The following SYTL5 variants were observed in gnomAD, a reference collection of about 807,000 sequenced individuals.
The protein encoded by SYTL5 is synaptotagmin-like protein 5.
A neutral mutation model predicts 55.9 loss-of-function variants in SYTL5; 34 were observed. The observed-to-expected ratio is 0.61, with a 90% confidence interval of 0.46 to 0.81. The LOEUF is 0.81. SYTL5 is among the 30% of genes least tolerant of loss of function. The probability of loss-of-function intolerance (pLI) is 0.00; values close to 1 mark genes in which losing one functional copy is unlikely to be tolerated. For synonymous variants in SYTL5, 221 were observed against 188.7 expected, an observed-to-expected ratio of 1.17 and a Z score of -1.40; for missense variants, 637 against 546.7, an observed-to-expected ratio of 1.17 and a Z score of -1.65.
intron 3 of SYTL5, among the ~76,000 whole-genome samples, chrX:38,060,736 C>T (rs1302149105): frequency 1.8e-5 from 2 of 112,197 alleles, no homozygotes; most frequent in Non-Finnish European, 3.8e-5. Flanking sequence ...AAGTAAATTC[C>T]TAACTGTCAC....
intron 1 of SYTL5, among the ~76,000 whole-genome samples, chrX:38,015,390 C>T (rs897128339): frequency 1.8e-5 from 2 of 112,133 alleles, no homozygotes; most frequent in African/African-American, 6.5e-5. Flanking sequence ...CCTTTTGATC[C>T]TCCTCAAAAC....
intron 13 of SYTL5, among the ~76,000 whole-genome samples, chrX:38,116,148 C>T (rs954432156): frequency 2.7e-5 from 3 of 111,847 alleles, no homozygotes; most frequent in Non-Finnish European, 3.8e-5. Flanking sequence ...TTTCATTCTT[C>T]TGCATGTGGA....
chrX:37,950,021 T>C, the SYTL5 span, among the ~76,000 whole-genome samples: 1 of 111,720 alleles, frequency 9.0e-6, no homozygotes, highest in African/African-American at 3.2e-5. Flanking sequence ...TATCCTTTGT[T>C]GTTTTGGACT....
At chrX:37,982,813 T>C in the SYTL5 span, among the ~76,000 whole-genome samples, 1 of 111,390 alleles carries the variant, frequency 9.0e-6, no homozygotes, top group African/African-American at 3.2e-5. Flanking sequence ...TTTGCTCTTT[T>C]TCTCTCAGCT....
chrX:38,065,574 A>AGGTTTCCTTTTGCC (rs1936075887), intron 3 of SYTL5, among the ~76,000 whole-genome samples: 1 of 111,866 alleles, frequency 8.9e-6, no homozygotes, highest in African/African-American at 3.3e-5. Flanking sequence ...GTTCTTTTGT[A>AGGTTTCCTTTTGCC]GGTTTCCTTT....
At chrX:38,078,290 T>C (rs2147443689) in intron 6 of SYTL5, among the ~76,000 whole-genome samples, 1 of 108,357 alleles carries the variant, frequency 9.2e-6, no homozygotes, top group South Asian at 4.2e-4. Flanking sequence ...AGATGGAGTC[T>C]CGCTCTGTCT....
rs370042343 is a variant in SYTL5, at chrX:38,035,447, C to T, written c.119+1439C>T. On this transcript the variant is annotated intron_variant, in intron 2 of 16. Coordinates refer to ENST00000297875, the MANE Select transcript of SYTL5 (RefSeq NM_138780.3). ...TCTACTAAAAATACAAAAAATTAGC[C>T]GGGCGTGGTGGCGGGTGCCTGTAGT... Among the ~76,000 whole-genome samples, 13 of 110,966 alleles carry T rather than the reference C, an allele frequency of 1.2e-4. No individual in the cohort carries two copies. The East Asian group carries it at 1.4e-3, about 12-fold the overall frequency.
At chrX:37,894,329 G>A in the SYTL5 span, among the ~76,000 whole-genome samples, 1 of 111,590 alleles carries the variant, frequency 9.0e-6, no homozygotes, top group Non-Finnish European at 1.9e-5. Context: ...GAATTGTTGG[G>A]TCATTGAGTT....
At chrX:37,888,917 T>G in the SYTL5 span, among the ~76,000 whole-genome samples, 1 of 94,179 alleles carries the variant, frequency 1.1e-5, no homozygotes, top group Admixed American at 1.2e-4. Context: ...GGCAACAGAG[T>G]GAGACTCTGT....
intron 10 of SYTL5, chrX:38,103,097 T>C (rs1937122364): frequency 8.8e-7 from 1 of 1,134,005 alleles, no homozygotes; most frequent in Non-Finnish European, 1.2e-6. Context: ...ACACTGTGAG[T>C]TTTCAACCTT....
chrX:38,037,607 A>G (rs963224134), intron 2 of SYTL5, among the ~76,000 whole-genome samples: 1 of 111,634 alleles, frequency 9.0e-6, no homozygotes, highest in Non-Finnish European at 1.9e-5. Flanking sequence ...TCCAAGCTAA[A>G]GAAAGAAGCC....
intron 2 of SYTL5, among the ~76,000 whole-genome samples, chrX:38,047,515 C>T (rs976358537): frequency 8.9e-6 from 1 of 112,528 alleles, no homozygotes; most frequent in South Asian, 3.7e-4. Flanking sequence ...GCATGGAGAC[C>T]CTGGGCCCTG....
chrX:37,936,190 T>C, the SYTL5 span, among the ~76,000 whole-genome samples: 10,371 of 111,776 alleles, frequency 0.093, 687 homozygotes, highest in African/African-American at 0.23. Context: ...TAAACATATA[T>C]GCACCCACGA....
At chrX:37,912,761 A>G in the SYTL5 span, among the ~76,000 whole-genome samples, 1 of 112,247 alleles carries the variant, frequency 8.9e-6, no homozygotes, top group Non-Finnish European at 1.9e-5. Flanking sequence ...TTTCCATTTT[A>G]CAAATAAGAA....
chrX:37,985,922 T>C, the SYTL5 span, among the ~76,000 whole-genome samples: 1 of 111,068 alleles, frequency 9.0e-6, no homozygotes, highest in African/African-American at 3.3e-5. Context: ...AAGAGCACTA[T>C]CAAACAAATT....
At chrX:37,991,130 C>T in the SYTL5 span, 32 of 1,209,600 alleles carry the variant, frequency 2.6e-5, no homozygotes, top group Admixed American at 2.0e-4. Flanking sequence ...AGCCCCACAG[C>T]GCTGAGAGTG....
At chrX:38,070,036 T>C (rs1255919231) in intron 3 of SYTL5, among the ~76,000 whole-genome samples, 1 of 111,683 alleles carries the variant, frequency 9.0e-6, no homozygotes, top group African/African-American at 3.2e-5. Context: ...CACTTGGGAG[T>C]AAATCTATGG....
chrX:38,077,949 C>T (rs1022884875), intron 6 of SYTL5, among the ~76,000 whole-genome samples: 39 of 111,740 alleles, frequency 3.5e-4, no homozygotes, highest in African/African-American at 1.3e-3. Flanking sequence ...AGGAAGATTG[C>T]TTGAGCCCAG....
chrX:37,909,091 G>C, the SYTL5 span, among the ~76,000 whole-genome samples: 831 of 110,331 alleles, frequency 7.5e-3, 7 homozygotes, highest in African/African-American at 0.026. Context: ...ACCTGTACTG[G>C]GGAAGATGTA....
Sources: gnomAD v4.1 joint callset for allele counts (sites outside exome capture counted in the v4.1 genomes callset) on GRCh38, gnomAD v4.1.1 for gene constraint, MANE v1.5 for transcripts, NCBI Gene and HGNC (gene_info 2026-07-23, HGNC 2026-07-21) for gene names.